The following H2BC18 variants were observed in gnomAD, a reference collection of about 807,000 sequenced individuals.
H2BC18 encodes the protein H2B clustered histone 18.
H2BC18 carries 8 observed loss-of-function variants against 6.3 expected under a neutral mutation model. That is an observed-to-expected ratio of 1.28 (90% CI 0.75 to 2.31). The LOEUF (loss-of-function observed/expected upper bound fraction) is 2.31. H2BC18 is among the 30% of genes most tolerant of loss of function. H2BC18 has a pLI of 0.00. For missense variants in H2BC18, 106 were observed against 174.5 expected, an observed-to-expected ratio of 0.61 and a Z score of 2.21; for synonymous variants, 104 against 78.1, an observed-to-expected ratio of 1.33 and a Z score of -1.75.
chr1:149,790,529 T>C, intron 1 of H2BC18: 1 of 928,266 alleles, frequency 1.1e-6, no homozygotes, highest in Admixed American at 2.8e-5. Context: ...TAAATTTCCT[T>C]TCCTTTCTTT....
At chr1:149,802,796 C>T (rs587627925) in intron 1 of H2BC18, among the ~76,000 whole-genome samples, 1 of 152,246 alleles carries the variant, frequency 6.6e-6, no homozygotes, top group Non-Finnish European at 1.5e-5. Context: ...GGCCAAAGAA[C>T]CTGGAGTCTG....
chr1:149,792,679 C>T, intron 1 of H2BC18: 1 of 1,280,150 alleles, frequency 7.8e-7, no homozygotes, highest in East Asian at 5.7e-5. Flanking sequence ...CGCCAGCGCC[C>T]GGGGACCCAG....
At chr1:149,793,119 A>G (rs1478004682) in intron 1 of H2BC18, 39 of 1,273,944 alleles carry the variant, frequency 3.1e-5, no homozygotes, top group Non-Finnish European at 3.9e-5. Flanking sequence ...TGCCGGCCTC[A>G]GGTGCGCCCG....
downstream of H2BC18, among the ~76,000 whole-genome samples, chr1:149,809,281 C>T (rs2091950386): frequency 8.8e-6 from 1 of 113,884 alleles, no homozygotes; most frequent in Non-Finnish European, 1.7e-5. Flanking sequence ...GAAAGCTCCA[C>T]TCTAATCTCA....
chr1:149,809,769 A>C (rs1484524654), downstream of H2BC18, among the ~76,000 whole-genome samples: 1 of 149,356 alleles, frequency 6.7e-6, no homozygotes, highest in Non-Finnish European at 1.5e-5. Context: ...AACTACAATG[A>C]GATGAAAAAG....
chr1:149,810,500 C>T (rs1464948916), downstream of H2BC18: 2 of 151,782 alleles, frequency 1.3e-5, no homozygotes, highest in Non-Finnish European at 2.9e-5. Flanking sequence ...TGTTAATTCC[C>T]CCAAGATTTA....
chr1:149,801,844 A>T (rs1467693783), intron 1 of H2BC18, among the ~76,000 whole-genome samples: 2 of 152,140 alleles, frequency 1.3e-5, no homozygotes, highest in Non-Finnish European at 2.9e-5. Context: ...GTTCTGTTTC[A>T]TTACGCTTCT....
chr1:149,801,140 C>A (rs1553753294), intron 1 of H2BC18, among the ~76,000 whole-genome samples: 1 of 152,002 alleles, frequency 6.6e-6, no homozygotes, highest in African/African-American at 2.4e-5. Context: ...GGTGGATATT[C>A]CTACTGTGGT....
rs1328499208 is a variant in H2BC18 at position 149,802,681 on chromosome 1, T to C, written c.377+9266A>G. Among the ~76,000 whole-genome samples, 5 of 152,132 alleles carry C rather than the reference T, an allele frequency of 3.3e-5. No individual in the cohort carries two copies. In the East Asian group the frequency reaches 7.7e-4, roughly 23 times the overall value. ...GAAGCCAGTAGTGGTTCAGTCTGAGTCCAAAAGCCTCAAGAGTAGGGAAGC... is the reference window on the plus strand; with the variant it reads ...GAAGCCAGTAGTGGTTCAGTCTGAGCCCAAAAGCCTCAAGAGTAGGGAAGC... On this transcript the variant is annotated intron_variant, in intron 1 of 1. Transcript: ENST00000545683.
chr1:149,784,935 C>T (rs2091501646), intron 1 of H2BC18, among the ~76,000 whole-genome samples: 1 of 151,846 alleles, frequency 6.6e-6, no homozygotes, highest in Non-Finnish European at 1.5e-5. Context: ...ATTTTACAAG[C>T]ATTGCTGCAA....
In H2BC18 at chr1:149,803,255, C is replaced by G. The variant is rs587609176; in HGVS notation, c.377+8692G>C. On this transcript the variant is annotated intron_variant, in intron 1 of 1. Transcript: ENST00000545683. Reference sequence around the variant, plus strand: ...CACAAACTAGAAACCAAGACTTGTGCAAAATCAAAACATTGCAAAGGTGGG... The same window carrying G: ...CACAAACTAGAAACCAAGACTTGTGGAAAATCAAAACATTGCAAAGGTGGG... Among the ~76,000 whole-genome samples, 1,301 of 152,032 alleles carry G rather than the reference C, an allele frequency of 8.6e-3. 6 individuals carry two copies. The highest frequency in any genetic ancestry group is 0.013 in the Non-Finnish European group (886 of 67,958).
At chr1:149,785,134 C>T (rs2091506821) in intron 1 of H2BC18, among the ~76,000 whole-genome samples, 2 of 152,134 alleles carry the variant, frequency 1.3e-5, no homozygotes, top group Non-Finnish European at 2.9e-5. Flanking sequence ...AAAAATGCTT[C>T]ATTCAATATG....
intron 1 of H2BC18, among the ~76,000 whole-genome samples, chr1:149,800,342 T>G (rs1389328174): frequency 6.6e-6 from 1 of 152,034 alleles, no homozygotes; most frequent in Non-Finnish European, 1.5e-5. Context: ...TAGGAATCAC[T>G]GATTAAACCA....
Position 149,788,588 on chromosome 1 carries a change from C to T in H2BC18, c.378-5328G>A, listed in dbSNP as rs782700593. ...TCAGGCATGGGAAAGCATCGCTACACATCAGCAGGAATATCTGTCACTGTG... is the reference window on the plus strand; with the variant it reads ...TCAGGCATGGGAAAGCATCGCTACATATCAGCAGGAATATCTGTCACTGTG... On this transcript the variant is annotated intron_variant, in intron 1 of 1. Transcript: ENST00000545683. 2.5e-6 allele frequency: 4 copies of T among 1,614,004 alleles called. No homozygotes were observed. The East Asian group carries it at 6.7e-5, about 27-fold the overall frequency.
chr1:149,795,251 AAAAT>A (rs59487657), intron 1 of H2BC18, among the ~76,000 whole-genome samples: 2,365 of 106,628 alleles, frequency 0.022, 3 homozygotes, highest in African/African-American at 0.027. Flanking sequence ...CCCTGTCTCA[AAAAT>A]AAATAAATAA....
At chr1:149,804,467 G>A (rs2091900251) in intron 1 of H2BC18, among the ~76,000 whole-genome samples, 1 of 152,212 alleles carries the variant, frequency 6.6e-6, no homozygotes, top group Non-Finnish European at 1.5e-5. Context: ...TTAGAATACA[G>A]AAGGTCTTAT....
chr1:149,785,743 T>A (rs1479065347), intron 1 of H2BC18: 6 of 152,158 alleles, frequency 3.9e-5, no homozygotes, highest in Admixed American at 3.3e-4. Context: ...CACAGTAAAT[T>A]TTTTCAAAGT....
At chr1:149,799,177 T>C (rs1193703751) in intron 1 of H2BC18, among the ~76,000 whole-genome samples, 3 of 142,506 alleles carry the variant, frequency 2.1e-5, no homozygotes, top group Non-Finnish European at 3.0e-5. Context: ...ATTGCTGGAA[T>C]AGAATTCTGA....
At chr1:149,811,324 G>T (rs1553754414), downstream of H2BC18, 4 of 159,182 alleles carry the variant, frequency 2.5e-5, no homozygotes, top group Admixed American at 2.3e-4. Context: ...TACTCCACAG[G>T]GGGTGGGGTG....
Sources: allele counts gnomAD v4.1 joint callset (sites outside exome capture counted in the v4.1 genomes callset), GRCh38; gene constraint gnomAD v4.1.1; transcripts MANE v1.5; gene names NCBI Gene and HGNC (gene_info 2026-07-23, HGNC 2026-07-21).